The following CHDH variants were observed in gnomAD, a reference collection of about 807,000 sequenced individuals.
The protein encoded by CHDH is choline dehydrogenase, mitochondrial.
Under a neutral mutation model 56.9 loss-of-function variants are expected in CHDH, and 43 were observed. The ratio of observed to expected loss-of-function variants is 0.76; its 90% CI spans 0.59 to 0.97. CHDH has a LOEUF of 0.97. Ranked by LOEUF, CHDH falls within the 50% of genes least tolerant of loss-of-function variation. The probability of loss-of-function intolerance (pLI) is 0.00; values close to 1 mark genes in which losing one functional copy is unlikely to be tolerated. For synonymous variants in CHDH, 364 were observed against 348.5 expected (o/e 1.04, Z -0.50); for missense variants, 816 against 821.1 (o/e 0.99, Z 0.08).
chr3:53,830,614 A>C (rs1323999394), intron 2 of CHDH, among the ~76,000 whole-genome samples: 1 of 152,188 alleles, frequency 6.6e-6, no homozygotes, highest in Non-Finnish European at 1.5e-5. Context: ...TCAGTAAGGA[A>C]ACAGAGGATT....
chr3:53,819,867 T>C lies in CHDH; in HGVS notation c.1121-193A>G, dbSNP rs76334678. Among the ~76,000 whole-genome samples the C allele has an allele frequency of 0.02, 3,091 of 152,280 alleles. 113 individuals carry two copies. Among genetic ancestry groups the C allele is most frequent in the African/African-American group, 0.069 (2,848 of 41,536 alleles). On this transcript the variant is annotated intron_variant, in intron 6 of 8. Coordinates refer to ENST00000315251, the MANE Select transcript of CHDH (RefSeq NM_018397.5). The surrounding 1 kb of genome is among the most constrained non-coding windows in gnomAD (Gnocchi z 5.4). ...GCTCACCCAGCACCACACCATAAAA[T>C]GTCAGCTATTTGCCAAAAGGATGGC...
Position 53,823,829 on chromosome 3 carries a change from C to T in CHDH, c.180G>A (p.Thr60=), listed in dbSNP as rs377439231. The change falls in exon 3 of 9, where the codon ACG becomes ACA. Residue 60 remains threonine (T), a synonymous_variant. Coordinates refer to ENST00000315251, the MANE Select transcript of CHDH (RefSeq NM_018397.5). ...GCAGCACGCGCTCGGCGGGGTCCTC[C>T]GTGAGCCTCCCAGCCAGCACGCAGC... ...SAGCVLAGRL[T]EDPAERVLLL... is the part of the protein sequence containing the mutation. The T allele has an allele frequency of 5.5e-3, 8,704 of 1,585,364 alleles. 32 individuals are homozygous for T. The highest frequency in any genetic ancestry group is 6.9e-3 in the Non-Finnish European group (8,079 of 1,173,014).
At chr3:53,837,185 C>T (rs778361951) in intron 2 of CHDH, among the ~76,000 whole-genome samples, 1 of 151,884 alleles carries the variant, frequency 6.6e-6, no homozygotes, top group Non-Finnish European at 1.5e-5. Flanking sequence ...TAGAGCAAGA[C>T]CCTGTCTCTA....
At chr3:53,818,816 G>A in intron 8 of CHDH, 122 bp downstream of exon 8, 1 of 744,754 alleles carries the variant, frequency 1.3e-6, no homozygotes, top group South Asian at 1.5e-5. Flanking sequence ...CACGGTGGGG[G>A]ACGACAGAGG....
chr3:53,840,164 T>C (rs192130219), intron 2 of CHDH, among the ~76,000 whole-genome samples: 27 of 152,312 alleles, frequency 1.8e-4, no homozygotes, highest in Non-Finnish European at 2.9e-4. Flanking sequence ...CAGGTCAGTA[T>C]GGTGACTGTA....
At chr3:53,822,423 C>T in intron 4 of CHDH, 68 bp downstream of exon 4, 1 of 1,479,792 alleles carries the variant, frequency 6.8e-7, no homozygotes, top group Non-Finnish European at 9.3e-7. Context: ...CTCCTGCCCA[C>T]TCTGAGCTGG....
chr3:53,819,077 A>G lies in CHDH; in HGVS notation c.1264-37T>C, dbSNP rs761183363. On this transcript the variant is annotated intron_variant, in intron 7 of 8. Transcript: ENST00000315251. This position sits in a 1 kb window ranked among gnomAD's most constrained non-coding sequence, Gnocchi z 5.4. ...CAGAGGAAGCAGTGACGGTCCCTCC[A>G]TAGACATCCACAGTGACCTCTGTCA... The G allele has an allele frequency of 4.3e-6, 6 of 1,408,882 alleles. No individual in the cohort carries two copies. In the South Asian group the frequency reaches 7.2e-5, roughly 17 times the overall value. The allele number at this position is 1,408,882 out of a possible 1,614,324, so 87.3% of individuals were successfully genotyped here.
chr3:53,841,447 G>A (rs1698667625), intron 1 of CHDH, among the ~76,000 whole-genome samples: 1 of 152,200 alleles, frequency 6.6e-6, no homozygotes, highest in Non-Finnish European at 1.5e-5. Flanking sequence ...ACTTCCAGCA[G>A]ACACCTCTGT....
Position 53,818,203 on chromosome 3 carries a change from G to C in CHDH, c.1367-8C>G. Reference sequence around the variant, plus strand: ...AATCCTCAATATCAGTTTCTGTCGAGGAGAAGAAACAGGTGAGGACCCCTC... The same window carrying C: ...AATCCTCAATATCAGTTTCTGTCGACGAGAAGAAACAGGTGAGGACCCCTC... On this transcript the variant is annotated splice_region_variant and splice_polypyrimidine_tract_variant and intron_variant, in intron 8 of 8. Coordinates refer to ENST00000315251, the MANE Select transcript of CHDH (RefSeq NM_018397.5). The C allele has an allele frequency of 6.3e-7, 1 of 1,590,130 alleles. No homozygotes were observed. The highest frequency in any genetic ancestry group is 8.6e-7 in the Non-Finnish European group (1 of 1,169,446).
rs1375224682 is a variant in CHDH at position 53,820,548 on chromosome 3, G to C, written c.1046C>G (p.Pro349Arg). 1.2e-6 allele frequency: 2 copies of C among 1,614,012 alleles called. 1 individual carries two copies. Among genetic ancestry groups the C allele is most frequent in the Middle Eastern group, 3.3e-4 (2 of 6,084 alleles). Residue 349 changes from proline (P) to arginine (R), a missense_variant, in exon 6 of 9, where the codon CCT becomes CGT. Physicochemically the swap from Pro to Arg is moderately radical, Grantham distance 103. Coordinates refer to ENST00000315251, the MANE Select transcript of CHDH (RefSeq NM_018397.5). ...CTTCTGTGCTGAATGGAGGGTGATA[G>C]GGCGGGTGCATGCCTGCTGAATGTA... ...EIYIQQACTR[P>R]ITLHSAQKPL...
In CHDH at chr3:53,819,715, C is replaced by A. The variant is rs2289208; in HGVS notation, c.1121-41G>T. Reference sequence around the variant, plus strand: ...GGATGAGGCAGAAGAGCCAGTCAGGCCGTGGCAGGTGGGCCGGCTGCTCCT... The same window carrying A: ...GGATGAGGCAGAAGAGCCAGTCAGGACGTGGCAGGTGGGCCGGCTGCTCCT... On this transcript the variant is annotated intron_variant, in intron 6 of 8. Transcript: ENST00000315251. The surrounding 1 kb of genome is among the most constrained non-coding windows in gnomAD (Gnocchi z 5.4). 6.7e-4 allele frequency: 1,018 copies of A among 1,519,158 alleles called. 6 individuals carry two copies. The East Asian group carries it at 0.019, about 28-fold the overall frequency. The allele number at this position is 1,519,158 out of a possible 1,614,324, so 94.1% of individuals were successfully genotyped here.
chr3:53,814,648 G>A lies in CHDH; in HGVS notation c.*3129C>T, dbSNP rs2095612668. 6.6e-6 allele frequency: 1 copy of A among 152,114 alleles called. No individual in the cohort carries two copies. The highest frequency in any genetic ancestry group is 2.4e-5 in the African/African-American group (1 of 41,416). 9.4% of individuals were successfully genotyped at this position (152,114 alleles called of 1,614,324 possible). A position where few individuals can be genotyped will look rare whatever the true frequency, so the allele number is the denominator to read the frequency against. ...CTGAGTGGCGGGACATGGTTGGGTG[G>A]AGAAGAATCTGTTTTTTTGTTGTTT... On this transcript the variant is annotated 3_prime_UTR_variant, in exon 9 of 9. Transcript: ENST00000315251.
At position 53,816,158 on chromosome 3, in the gene CHDH, A is replaced by G. The variant is rs2095615697; in HGVS notation, c.*1619T>C. The stretch of plus-strand genomic sequence containing the variant: ...GCCCCCCCCCCCCGCCCCAGTCTGT[A>G]AGCCGCCCCAATCCTCTCAGATCCG... On this transcript the variant is annotated 3_prime_UTR_variant, in exon 9 of 9. Coordinates refer to ENST00000315251, the MANE Select transcript of CHDH (RefSeq NM_018397.5). 1 of 62,540 alleles carries G rather than the reference A, an allele frequency of 1.6e-5. No individual in the cohort carries two copies. Among genetic ancestry groups the G allele is most frequent in the Non-Finnish European group, 3.0e-5 (1 of 32,972 alleles). The allele number at this position is 62,540 out of a possible 1,614,324, so 3.9% of individuals were successfully genotyped here.
intron 3 of CHDH, 30 bp downstream of exon 3, chr3:53,823,276 C>CT: frequency 1.4e-6 from 2 of 1,471,116 alleles, no homozygotes; most frequent in South Asian, 1.4e-5. Flanking sequence ...GGGGGTAGTG[C>CT]TTTTTTAAAA....
intron 1 of CHDH, among the ~76,000 whole-genome samples, chr3:53,843,206 G>C (rs6445608): frequency 0.54 from 65,874 of 122,720 alleles, 16,868 homozygotes; most frequent in South Asian, 0.71. Context: ...TTTTTTTTTG[G>C]TTCTGCCTCT....
At chr3:53,838,945 A>G (rs925148031) in intron 2 of CHDH, among the ~76,000 whole-genome samples, 3 of 152,130 alleles carry the variant, frequency 2.0e-5, no homozygotes, top group African/African-American at 7.2e-5. Context: ...AGGCCCCATC[A>G]TCTCCACTGG....
rs1269075870 is a variant in CHDH at position 53,814,530 on chromosome 3, A to G, written c.*3247T>C. 6.6e-6 allele frequency: 1 copy of G among 152,252 alleles called. No homozygotes were observed. Among genetic ancestry groups the G allele is most frequent in the East Asian group, 1.9e-4 (1 of 5,204 alleles). 9.4% of individuals were successfully genotyped at this position (152,252 alleles called of 1,614,324 possible). A position where few individuals can be genotyped will look rare whatever the true frequency, so the allele number is the denominator to read the frequency against. On this transcript the variant is annotated 3_prime_UTR_variant, in exon 9 of 9. Coordinates refer to ENST00000315251, the MANE Select transcript of CHDH (RefSeq NM_018397.5). ...TCCTGTGAGGGCAGCCTGAGCCACT[A>G]AACAGGTCCAGTAGAGATGGTATTT...
chr3:53,827,240 A>G (rs1045564544), intron 2 of CHDH, among the ~76,000 whole-genome samples: 1 of 152,060 alleles, frequency 6.6e-6, no homozygotes, highest in African/African-American at 2.4e-5. Flanking sequence ...GAATTATGAG[A>G]TCTGGTTGTT....
chr3:53,819,382 G>A lies in CHDH; in HGVS notation c.1263+150C>T. Reference sequence around the variant, plus strand: ...CATGCACCACGCAGACTGACACGCTGGGCAGCTGGAAGGCAGGGGACAGGC... The same window carrying A: ...CATGCACCACGCAGACTGACACGCTAGGCAGCTGGAAGGCAGGGGACAGGC... On this transcript the variant is annotated intron_variant, in intron 7 of 8. Transcript: ENST00000315251. This position sits in a 1 kb window ranked among gnomAD's most constrained non-coding sequence, Gnocchi z 5.4. 1 of 1,040,664 alleles carries A rather than the reference G, an allele frequency of 9.6e-7. No homozygotes were observed. Among genetic ancestry groups the A allele is most frequent in the East Asian group, 2.5e-5 (1 of 40,690 alleles). 64.5% of individuals were successfully genotyped at this position (1,040,664 alleles called of 1,614,324 possible). A position where few individuals can be genotyped will look rare whatever the true frequency, so the allele number is the denominator to read the frequency against.
Sources: allele counts gnomAD v4.1 joint callset (sites outside exome capture counted in the v4.1 genomes callset), GRCh38; gene constraint gnomAD v4.1.1; non-coding constraint Gnocchi (gnomAD v3.1); transcripts MANE v1.5; gene names NCBI Gene and HGNC (gene_info 2026-07-23, HGNC 2026-07-21).